Variants in DOP1B observed in about 807,000 individuals in gnomAD.
DOP1B encodes DOP1 leucine zipper like protein B, also known as protein DOP1B.
In DOP1B, 174 loss-of-function variants were observed where a neutral mutation model predicts 233.5. That is an observed-to-expected ratio of 0.75 (90% CI 0.66 to 0.85). DOP1B has a LOEUF of 0.85. DOP1B is among the 40% of genes least tolerant of loss of function. The pLI is 0.00. For missense variants in DOP1B, 2,652 were observed against 2,846.6 expected (o/e 0.93, Z 1.56); for synonymous variants, 1,190 against 1,185.6 (o/e 1.00, Z -0.08).
chr21:36,210,986 G>A (rs1242596210), intron 5 of DOP1B, among the ~76,000 whole-genome samples: 1 of 152,188 alleles, frequency 6.6e-6, no homozygotes, highest in Non-Finnish European at 1.5e-5. Context: ...GCTCCCGGCT[G>A]TTCCCTTCTG....
intron 4 of DOP1B, among the ~76,000 whole-genome samples, chr21:36,202,128 A>G (rs912683183): frequency 1.3e-5 from 2 of 152,204 alleles, no homozygotes; most frequent in African/African-American, 4.8e-5. Flanking sequence ...TGAAGGTTGC[A>G]GCGAGCCGAG....
chr21:36,230,048 C>T (rs1569036395), intron 13 of DOP1B, among the ~76,000 whole-genome samples: 2 of 151,984 alleles, frequency 1.3e-5, no homozygotes, highest in Non-Finnish European at 2.9e-5. Flanking sequence ...AGTTCTCGCT[C>T]TGTTGTCCAG....
rs1425782719 is a variant in DOP1B at position 36,208,821 on chromosome 21, T to G, written c.598T>G (p.Ser200Ala). 6.2e-7 allele frequency: 1 copy of G among 1,604,424 alleles called. No homozygotes were observed. The highest frequency in any genetic ancestry group is 8.5e-7 in the Non-Finnish European group (1 of 1,175,304). ...CAGCCCGTCCATCCGCCTCCCTGCCTCAGTCTTCGTGGTGGGCCACATCAA... is the reference window on the plus strand; with the variant it reads ...CAGCCCGTCCATCCGCCTCCCTGCCGCAGTCTTCGTGGTGGGCCACATCAA... ...LASPSIRLPA[S>A]VFVVGHINRD... The change falls in exon 5 of 37, where the codon TCA becomes GCA. Residue 200 changes from serine (S) to alanine (A), a missense_variant. By Grantham distance (99) the Ser-to-Ala change is moderately conservative (BLOSUM62 1). Coordinates refer to ENST00000691173, the MANE Select transcript of DOP1B (RefSeq NM_001320714.2).
intron 2 of DOP1B, among the ~76,000 whole-genome samples, chr21:36,177,028 G>T (rs2066040050): frequency 6.6e-6 from 1 of 152,120 alleles, no homozygotes; most frequent in South Asian, 2.1e-4. Flanking sequence ...CGCCAGACTG[G>T]TCTTGAACTC....
intron 2 of DOP1B, chr21:36,169,842 C>T: frequency 1.1e-6 from 1 of 935,672 alleles, no homozygotes; most frequent in East Asian, 2.4e-5. Flanking sequence ...ACCTTTTGCA[C>T]TCATCGTTGA....
intron 18 of DOP1B, among the ~76,000 whole-genome samples, chr21:36,244,019 CTTTTTTTTTTTTTT>C (rs35020490): frequency 9.9e-5 from 7 of 70,580 alleles, no homozygotes; most frequent in Admixed American, 6.6e-4. Flanking sequence ...TTTTCCTTTC[CTTTTTTTTTTTTTT>C]TTTTTTTTTT....
At chr21:36,192,030 G>A (rs544741911) in intron 2 of DOP1B, among the ~76,000 whole-genome samples, 174 of 151,960 alleles carry the variant, frequency 1.1e-3, no homozygotes, top group Non-Finnish European at 2.1e-3. Context: ...GAGTCCTACC[G>A]AATTGCCCAG....
chr21:36,160,632 C>T (rs1601367987), intron 1 of DOP1B, among the ~76,000 whole-genome samples: 1 of 152,006 alleles, frequency 6.6e-6, no homozygotes, highest in African/African-American at 2.4e-5. Flanking sequence ...CATGTGCCAC[C>T]ACACCTGGCT....
chr21:36,289,424 GGTGTGT>G lies in DOP1B; in HGVS notation c.6515+264_6515+269del, dbSNP rs59907412. Among the ~76,000 whole-genome samples the G allele has an allele frequency of 8.8e-3, 1,276 of 144,962 alleles. 9 individuals carry two copies. The highest frequency in any genetic ancestry group is 0.015 in the African/African-American group (606 of 39,828). On this transcript the variant is annotated intron_variant, in intron 35 of 36. Coordinates refer to ENST00000691173, the MANE Select transcript of DOP1B (RefSeq NM_001320714.2). ...GGAGTGTTTATGAATGTGTTTCTAT[GGTGTGT>G]GTGTGTGTGTGTGTGTGTGTGTGTG...
intron 9 of DOP1B, among the ~76,000 whole-genome samples, chr21:36,217,333 G>A (rs1259634939): frequency 6.6e-6 from 1 of 152,174 alleles, no homozygotes; most frequent in Non-Finnish European, 1.5e-5. Context: ...ATTATTTTGT[G>A]CCAAGTGATT....
At chr21:36,214,780 T>C (rs1228422748) in intron 9 of DOP1B, among the ~76,000 whole-genome samples, 1 of 152,200 alleles carries the variant, frequency 6.6e-6, no homozygotes, top group Non-Finnish European at 1.5e-5. Flanking sequence ...ATCCTAGCAC[T>C]TTGGGAGGTA....
chr21:36,251,385 A>G, intron 22 of DOP1B, 101 bp downstream of exon 22: 3 of 1,444,114 alleles, frequency 2.1e-6, no homozygotes. Flanking sequence ...CAGCATGGGA[A>G]ACTATTGAGT....
intron 2 of DOP1B, among the ~76,000 whole-genome samples, chr21:36,171,088 C>G (rs961716947): frequency 6.6e-6 from 1 of 152,190 alleles, no homozygotes; most frequent in Non-Finnish European, 1.5e-5. Flanking sequence ...AGATCCGTCT[C>G]AGGTTCAACC....
chr21:36,190,342 T>G (rs2066217732), intron 2 of DOP1B, among the ~76,000 whole-genome samples: 1 of 151,582 alleles, frequency 6.6e-6, no homozygotes, highest in African/African-American at 2.4e-5. Context: ...AATAAATTAA[T>G]TAAATTAAAA....
intron 18 of DOP1B, among the ~76,000 whole-genome samples, chr21:36,241,947 C>T (rs908160320): frequency 4.6e-5 from 7 of 151,764 alleles, no homozygotes; most frequent in African/African-American, 1.7e-4. Flanking sequence ...CCTCTAACCT[C>T]TGGTTTTCCT....
intron 21 of DOP1B, among the ~76,000 whole-genome samples, chr21:36,250,583 A>G (rs1569051313): frequency 6.6e-6 from 1 of 152,212 alleles, no homozygotes; most frequent in African/African-American, 2.4e-5. Flanking sequence ...AGAGCGAGAA[A>G]CGTGGCGGGA....
chr21:36,198,541 C>T (rs529648592), intron 2 of DOP1B, among the ~76,000 whole-genome samples: 13 of 152,224 alleles, frequency 8.5e-5, no homozygotes, highest in Admixed American at 2.6e-4. Flanking sequence ...TTCACACTCT[C>T]GACCTTGCTT....
At chr21:36,284,375 A>G (rs1433939105) in intron 32 of DOP1B, among the ~76,000 whole-genome samples, 1 of 150,438 alleles carries the variant, frequency 6.6e-6, no homozygotes, top group Non-Finnish European at 1.5e-5. Context: ...GGTTCAAGCA[A>G]TTCTCCTGCC....
chr21:36,227,536 G>A (rs1185762849), intron 12 of DOP1B, 150 bp from the exon 13 acceptor site: 1 of 720,108 alleles, frequency 1.4e-6, no homozygotes, highest in Non-Finnish European at 2.1e-6. Flanking sequence ...TACAGAGCAA[G>A]ACTCTGTCAA....
Sources: allele counts gnomAD v4.1 joint callset (sites outside exome capture counted in the v4.1 genomes callset), GRCh38; gene constraint gnomAD v4.1.1; transcripts MANE v1.5; gene names NCBI Gene and HGNC (gene_info 2026-07-23, HGNC 2026-07-21).